SNTG1: variants seen among roughly 807,000 people sequenced by gnomAD.
The protein encoded by SNTG1 is syntrophin gamma 1, also known as gamma-1-syntrophin.
Under a neutral mutation model 74.7 loss-of-function variants are expected in SNTG1, and 39 were observed. The observed-to-expected ratio is 0.52, with a 90% CI of 0.40 to 0.68. The LOEUF (loss-of-function observed/expected upper bound fraction) is 0.68. Among genes scored for constraint, SNTG1 ranks in the 30% least tolerant of loss-of-function variants. The probability of loss-of-function intolerance (pLI) is 0.00; values close to 1 mark genes in which losing one functional copy is unlikely to be tolerated. For synonymous variants in SNTG1, 254 were observed against 217.1 expected (o/e 1.17, Z -1.49); for missense variants, 685 against 609.5 (o/e 1.12, Z -1.30).
intron 1 of SNTG1, among the ~76,000 whole-genome samples, chr8:49,960,973 T>C (rs781534499): frequency 6.6e-6 from 1 of 152,186 alleles, no homozygotes; most frequent in Non-Finnish European, 1.5e-5. Context: ...AAGTTACCTG[T>C]ATAGGAAAAT....
chr8:50,021,483 C>A (rs958339596), intron 1 of SNTG1, among the ~76,000 whole-genome samples: 1 of 152,154 alleles, frequency 6.6e-6, no homozygotes, highest in Admixed American at 6.5e-5. Context: ...GAATTCATTT[C>A]TCCCATGAGT....
chr8:50,773,864 T>TTAAC (rs772497434), intron 18 of SNTG1, among the ~76,000 whole-genome samples: 19 of 152,168 alleles, frequency 1.2e-4, no homozygotes, highest in Middle Eastern at 3.4e-3. Context: ...GCCCAAAGAA[T>TTAAC]TAACCTGTTT....
At chr8:49,967,785 A>G (rs1184360425) in intron 1 of SNTG1, among the ~76,000 whole-genome samples, 1 of 152,208 alleles carries the variant, frequency 6.6e-6, no homozygotes, top group African/African-American at 2.4e-5. Context: ...ATTAATTACT[A>G]GGCTGGCATT....
intron 1 of SNTG1, among the ~76,000 whole-genome samples, chr8:49,915,924 G>A (rs1193451154): frequency 2.6e-5 from 4 of 152,120 alleles, no homozygotes; most frequent in Non-Finnish European, 4.4e-5. Flanking sequence ...AATCGAATAA[G>A]CAGTATTTCA....
At chr8:50,485,980 T>C (rs1226881728) in intron 8 of SNTG1, among the ~76,000 whole-genome samples, 1 of 151,386 alleles carries the variant, frequency 6.6e-6, no homozygotes, top group Non-Finnish European at 1.5e-5. Flanking sequence ...CAGATAGTTG[T>C]AGATATGCGG....
chr8:49,940,364 CGAAAAAGTA>C (rs1399893856), intron 1 of SNTG1, among the ~76,000 whole-genome samples: 1 of 151,918 alleles, frequency 6.6e-6, no homozygotes, highest in African/African-American at 2.4e-5. Flanking sequence ...GTTAGCTTAG[CGAAAAAGTA>C]GATTTTCCTG....
At chr8:50,169,522 C>T (rs556600347) in intron 1 of SNTG1, among the ~76,000 whole-genome samples, 13 of 152,286 alleles carry the variant, frequency 8.5e-5, no homozygotes, top group African/African-American at 2.9e-4. Context: ...TCTTAGGGAG[C>T]TCAGAACTGG....
At chr8:50,205,637 T>C (rs2084194587) in intron 2 of SNTG1, among the ~76,000 whole-genome samples, 1 of 152,240 alleles carries the variant, frequency 6.6e-6, no homozygotes, top group Admixed American at 6.5e-5. Flanking sequence ...CATGAAGTCC[T>C]TGCCCATGCC....
intron 2 of SNTG1, among the ~76,000 whole-genome samples, chr8:50,262,821 A>G (rs1315132768): frequency 6.6e-6 from 1 of 152,182 alleles, no homozygotes; most frequent in African/African-American, 2.4e-5. Context: ...CAAATTACTA[A>G]GTGAAAGAAG....
At chr8:50,029,474 A>T (rs1817560062) in intron 1 of SNTG1, among the ~76,000 whole-genome samples, 1 of 151,980 alleles carries the variant, frequency 6.6e-6, no homozygotes, top group South Asian at 2.1e-4. Flanking sequence ...GCATACATTA[A>T]CCATCCCCAC....
rs563465144 is a variant in SNTG1 at position 50,225,767 on chromosome 8, A to C, written c.-28+53132A>C. On this transcript the variant is annotated intron_variant, in intron 2 of 18. Coordinates refer to ENST00000642720, the MANE Select transcript of SNTG1 (RefSeq NM_018967.5). ...GAAAAGACAAATTAAGTAACACATT[A>C]GACACTTGCCAATTCATGAATGGAA... is the stretch of plus-strand genomic sequence containing the variant. Among the ~76,000 whole-genome samples the C allele has an allele frequency of 7.2e-5, 11 of 152,360 alleles. 1 individual carries two copies. Among genetic ancestry groups the C allele is most frequent in the African/African-American group, 2.6e-4 (11 of 41,590 alleles).
At chr8:50,277,337 A>G (rs1458824332) in intron 2 of SNTG1, among the ~76,000 whole-genome samples, 2 of 151,838 alleles carry the variant, frequency 1.3e-5, no homozygotes, top group African/African-American at 4.8e-5. Context: ...TAATAATATA[A>G]TGAATAAATC....
chr8:50,615,651 CAA>C (rs2094880883), intron 13 of SNTG1, among the ~76,000 whole-genome samples: 2 of 152,136 alleles, frequency 1.3e-5, no homozygotes, highest in African/African-American at 4.8e-5. Context: ...CAGAGTGCAT[CAA>C]GAGACAGAAA....
At chr8:49,989,322 T>C (rs931980751) in intron 1 of SNTG1, among the ~76,000 whole-genome samples, 7 of 151,948 alleles carry the variant, frequency 4.6e-5, no homozygotes, top group Non-Finnish European at 1.0e-4. Context: ...CCTGGAAAAC[T>C]GTATACAAAT....
chr8:50,395,686 T>C (rs576037744), intron 3 of SNTG1, among the ~76,000 whole-genome samples: 27 of 152,092 alleles, frequency 1.8e-4, no homozygotes, highest in African/African-American at 6.0e-4. Context: ...TTATTTTGTA[T>C]TTTTGTATTA....
intron 1 of SNTG1, among the ~76,000 whole-genome samples, chr8:49,970,742 T>C (rs1811589400): frequency 6.6e-6 from 1 of 152,176 alleles, no homozygotes; most frequent in East Asian, 1.9e-4. Flanking sequence ...GGCAAACCAC[T>C]TATTTTTAAT....
chr8:50,681,131 A>C (rs1005617960), intron 15 of SNTG1, among the ~76,000 whole-genome samples: 1 of 152,186 alleles, frequency 6.6e-6, no homozygotes, highest in Non-Finnish European at 1.5e-5. Flanking sequence ...ATAGACATTA[A>C]AATTTTATCA....
At chr8:49,993,675 G>C (rs7829117) in intron 1 of SNTG1, among the ~76,000 whole-genome samples, 7,012 of 152,170 alleles carry the variant, frequency 0.046, 547 homozygotes, top group African/African-American at 0.16. Flanking sequence ...TTCTGTTCCT[G>C]TGTTAGTATG....
At chr8:50,736,585 A>G (rs1045809597) in intron 17 of SNTG1, among the ~76,000 whole-genome samples, 33 of 152,158 alleles carry the variant, frequency 2.2e-4, no homozygotes, top group African/African-American at 3.4e-4. Flanking sequence ...CCTAATAGAC[A>G]TCAACAGAAC....
Sources: allele counts gnomAD v4.1 joint callset (sites outside exome capture counted in the v4.1 genomes callset), GRCh38; gene constraint gnomAD v4.1.1; transcripts MANE v1.5; gene names NCBI Gene and HGNC (gene_info 2026-07-23, HGNC 2026-07-21).